Variants in UMPS observed in about 807,000 individuals in gnomAD.
UMPS encodes the protein uridine 5'-monophosphate synthase.
UMPS carries 21 observed loss-of-function variants against 38.9 expected under a neutral mutation model. The observed-to-expected ratio is 0.54, with a 90% confidence interval of 0.38 to 0.78. UMPS has a LOEUF of 0.78. Ranked by LOEUF, UMPS falls within the 30% of genes least tolerant of loss-of-function variation. UMPS has a pLI of 0.00. For synonymous variants in UMPS, 208 were observed against 219.3 expected, an observed-to-expected ratio of 0.95 and a Z score of 0.45; for missense variants, 533 against 591.6, an observed-to-expected ratio of 0.90 and a Z score of 1.03.
Position 124,732,316 on chromosome 3 carries a change from A to T in UMPS, c.156+1689A>T, listed in dbSNP as rs79966114. On this transcript the variant is annotated intron_variant, in intron 1 of 5. Transcript: ENST00000232607. Reference sequence around the variant, plus strand: ...TTGCACTGTGCGGCCAGAAGCAATAATTAAGACTAGAAGGTGGACATATTG... The same window carrying T: ...TTGCACTGTGCGGCCAGAAGCAATATTTAAGACTAGAAGGTGGACATATTG... 5.0e-3 allele frequency: 770 copies of T among 153,942 alleles called. 36 individuals carry two copies. The East Asian group carries it at 0.11, about 23-fold the overall frequency. 9.5% of individuals were successfully genotyped at this position (153,942 alleles called of 1,614,324 possible).
At position 124,740,208 on chromosome 3, in the gene UMPS, TG is replaced by T. The variant is rs1196683308; in HGVS notation, c.1158+15del. On this transcript the variant is annotated intron_variant, in intron 4 of 5. Transcript: ENST00000232607. ...ACTACACTAGAGCAGCGGTAAGTGGTGGGGGGACTGGGTGAGAGGGGGCAGG... is the reference window on the plus strand; with the variant it reads ...ACTACACTAGAGCAGCGGTAAGTGGTGGGGGACTGGGTGAGAGGGGGCAGG... 1 of 1,601,834 alleles carries T rather than the reference TG, an allele frequency of 6.2e-7. No homozygotes were observed. The highest frequency in any genetic ancestry group is 2.2e-5 in the East Asian group (1 of 44,618).
intron 1 of UMPS, among the ~76,000 whole-genome samples, chr3:124,733,181 A>G (rs959576245): frequency 6.6e-6 from 1 of 152,214 alleles, no homozygotes; most frequent in African/African-American, 2.4e-5. Flanking sequence ...ATAGTACTAT[A>G]TACACATTAG....
intron 3 of UMPS, 89 bp downstream of exon 3, chr3:124,738,328 A>G: frequency 3.5e-6 from 5 of 1,415,398 alleles, no homozygotes; most frequent in Non-Finnish European, 3.9e-6. Context: ...TTGAAAGTCC[A>G]TTCATAGAGC....
chr3:124,742,318 G>A lies in UMPS; in HGVS notation c.1273+52G>A, dbSNP rs141436502. The A allele has an allele frequency of 2.6e-4, 351 of 1,349,902 alleles. No homozygotes were observed. In the African/African-American group the frequency reaches 4.4e-3, roughly 17 times the overall value. 83.6% of individuals were successfully genotyped at this position (1,349,902 alleles called of 1,614,324 possible). On this transcript the variant is annotated intron_variant, in intron 5 of 5. Coordinates refer to ENST00000232607, the MANE Select transcript of UMPS (RefSeq NM_000373.4). ...TTCCAAAAATGCTTCTTTACCCATG[G>A]CAGGCAAAATAAAACTTTGCATATT...
At chr3:124,731,055 C>T (rs1375265315) in intron 1 of UMPS, among the ~76,000 whole-genome samples, 1 of 152,098 alleles carries the variant, frequency 6.6e-6, no homozygotes, top group African/African-American at 2.4e-5. Context: ...CATGACGAGA[C>T]CCCGTCTCTA....
At chr3:124,738,263 G>T (rs761469697) in intron 3 of UMPS, 24 bp downstream of exon 3, 1 of 1,609,952 alleles carries the variant, frequency 6.2e-7, no homozygotes, top group South Asian at 1.1e-5. Flanking sequence ...TCAGGAATCT[G>T]CAAGAATCAG....
At chr3:124,732,231 C>T (rs2063484682) in intron 1 of UMPS, among the ~76,000 whole-genome samples, 1 of 152,182 alleles carries the variant, frequency 6.6e-6, no homozygotes. Flanking sequence ...TTAATTTTGC[C>T]TCAGCCTCTT....
rs1216614255 is a variant in UMPS at position 124,737,639 on chromosome 3, A to C, written c.382A>C (p.Ser128Arg). Residue 128 changes from serine (S) to arginine (R), a missense_variant, in exon 3 of 6, where the codon AGT (serine) becomes CGT (arginine). By Grantham distance (110) the Ser-to-Arg change is moderately radical. Transcript: ENST00000232607. Reference protein sequence around the residue: ...TCLIIEDVVTSGSSVLETVEV... With the variant: ...TCLIIEDVVTRGSSVLETVEV... ...TTTAATCATTGAAGATGTTGTCACC[A>C]GTGGATCTAGTGTTTTGGAAACTGT... The C allele has an allele frequency of 6.2e-7, 1 of 1,614,120 alleles. No homozygotes were observed. The highest frequency in any genetic ancestry group is 8.5e-7 in the Non-Finnish European group (1 of 1,180,048).
chr3:124,731,781 C>G (rs1326506527), intron 1 of UMPS, among the ~76,000 whole-genome samples: 1 of 151,576 alleles, frequency 6.6e-6, no homozygotes, highest in Non-Finnish European at 1.5e-5. Flanking sequence ...CCTGTAATCC[C>G]AGCTACTCAG....
At chr3:124,742,087 AT>A in intron 4 of UMPS, 64 bp from the exon 5 acceptor site, 1 of 1,180,828 alleles carries the variant, frequency 8.5e-7, no homozygotes, top group Non-Finnish European at 1.2e-6. Flanking sequence ...AATAGAGCAT[AT>A]TTTTACTTTT....
At position 124,737,790 on chromosome 3, in the gene UMPS, A is replaced by G. The variant is rs775368706; in HGVS notation, c.533A>G (p.Lys178Arg). ...CTCCACTCAGTGTGTACATTGTCCA[A>G]AATGCTGGAGATTCTCGAGCAGCAG... Reference protein sequence around the residue: ...IRLHSVCTLSKMLEILEQQKK... With the variant: ...IRLHSVCTLSRMLEILEQQKK... Residue 178 changes from lysine to arginine, a missense_variant, in exon 3 of 6, where the codon AAA (lysine) becomes AGA (arginine). Transcript: ENST00000232607. The G allele has an allele frequency of 1.2e-6, 2 of 1,614,116 alleles. No individual in the cohort carries two copies. The highest frequency in any genetic ancestry group is 2.7e-5 in the African/African-American group (2 of 74,952).
At position 124,748,699 on chromosome 3, in the gene UMPS, T is replaced by C; in HGVS notation, c.*4615T>C. ...GTCAGCAGAGGAGGTCTGTGTCATG[T>C]TTTTCAGCGCTGGGGTTGGGGGGAG... On this transcript the variant is annotated 3_prime_UTR_variant, in exon 6 of 6. Transcript: ENST00000232607. 2.2e-6 allele frequency: 1 copy of C among 452,232 alleles called. No individual in the cohort carries two copies. The highest frequency in any genetic ancestry group is 4.4e-6 in the Non-Finnish European group (1 of 225,926). 28.0% of individuals were successfully genotyped at this position (452,232 alleles called of 1,614,324 possible).
In UMPS at chr3:124,740,071, G is replaced by C. The variant is rs374066947; in HGVS notation, c.1030G>C (p.Val344Leu). 1.2e-5 allele frequency: 19 copies of C among 1,613,972 alleles called. No homozygotes were observed. The highest frequency in any genetic ancestry group is 1.5e-5 in the Non-Finnish European group (18 of 1,180,046). ...CTGGGCAGATCTAGTAAATGCTCACGTGGTGCCAGGCTCAGGAGTTGTGAA... is the reference window on the plus strand; with the variant it reads ...CTGGGCAGATCTAGTAAATGCTCACCTGGTGCCAGGCTCAGGAGTTGTGAA... ...ASWADLVNAH[V>L]VPGSGVVKGL... The change falls in exon 4 of 6, where the codon GTG becomes CTG. Residue 344 changes from valine (V) to leucine (L), a missense_variant. By Grantham distance (32) the Val-to-Leu change is conservative (BLOSUM62 1). Transcript: ENST00000232607.
In UMPS at chr3:124,730,579, C is replaced by A; in HGVS notation, c.108C>A (p.Ile36=). 6.2e-7 allele frequency: 1 copy of A among 1,613,228 alleles called. No individual in the cohort carries two copies. Among genetic ancestry groups the A allele is most frequent in the Non-Finnish European group, 8.5e-7 (1 of 1,179,230 alleles). Residue 36 remains isoleucine (I), a synonymous_variant, in exon 1 of 6, where the codon ATC becomes ATA. Coordinates refer to ENST00000232607, the MANE Select transcript of UMPS (RefSeq NM_000373.4). ...TGAAGAGCGGGCTTTCCTCCCCCAT[C>A]TACATCGATCTGCGGGGCATCGTGT... ...FVLKSGLSSP[I]YIDLRGIVSR...
At position 124,745,757 on chromosome 3, in the gene UMPS, G is replaced by C. The variant is rs1376495544; in HGVS notation, c.*1673G>C. 1 of 454,070 alleles carries C rather than the reference G, an allele frequency of 2.2e-6. No individual in the cohort carries two copies. Among genetic ancestry groups the C allele is most frequent in the East Asian group, 7.0e-5 (1 of 14,380 alleles). The allele number at this position is 454,070 out of a possible 1,614,324, so 28.1% of individuals were successfully genotyped here. A position where few individuals can be genotyped will look rare whatever the true frequency, so the allele number is the denominator to read the frequency against. On this transcript the variant is annotated 3_prime_UTR_variant, in exon 6 of 6. Transcript: ENST00000232607. ...GAGAAGAATTTTCTGACAAAAACTTGCAGGAATCTCTTAGGTGTCTTCAGT... is the reference window on the plus strand; with the variant it reads ...GAGAAGAATTTTCTGACAAAAACTTCCAGGAATCTCTTAGGTGTCTTCAGT...
At chr3:124,743,836 A>G in intron 5 of UMPS, 79 bp from the exon 6 acceptor site, 1 of 1,571,498 alleles carries the variant, frequency 6.4e-7, no homozygotes, top group Non-Finnish European at 8.7e-7. Context: ...AGCTGGTTAG[A>G]TACTTTTTCA....
At chr3:124,739,674 T>C (rs1006374446) in intron 3 of UMPS, among the ~76,000 whole-genome samples, 3 of 152,204 alleles carry the variant, frequency 2.0e-5, no homozygotes, top group Non-Finnish European at 4.4e-5. Context: ...CATCAATAAA[T>C]GTTTATCTTC....
In UMPS at chr3:124,744,684, C is replaced by T. The variant is rs1174751590; in HGVS notation, c.*600C>T. ...TCAGTCTCTCAAAGTGCTGGGATTACAGGTGTGAGCCACTGTGCCCAGCCT... is the reference window on the plus strand; with the variant it reads ...TCAGTCTCTCAAAGTGCTGGGATTATAGGTGTGAGCCACTGTGCCCAGCCT... On this transcript the variant is annotated 3_prime_UTR_variant, in exon 6 of 6. Coordinates refer to ENST00000232607, the MANE Select transcript of UMPS (RefSeq NM_000373.4). The T allele has an allele frequency of 4.4e-6, 2 of 454,024 alleles. No individual in the cohort carries two copies. Among genetic ancestry groups the T allele is most frequent in the South Asian group, 1.6e-5 (1 of 64,476 alleles). The allele number at this position is 454,024 out of a possible 1,614,324, so 28.1% of individuals were successfully genotyped here.
chr3:124,732,574 T>G (rs1468533795), intron 1 of UMPS: 1 of 154,778 alleles, frequency 6.5e-6, no homozygotes, highest in Admixed American at 6.5e-5. Flanking sequence ...CCAATACAGT[T>G]TGCTACTAGC....
Sources: allele counts gnomAD v4.1 joint callset (sites outside exome capture counted in the v4.1 genomes callset), GRCh38; gene constraint gnomAD v4.1.1; transcripts MANE v1.5; gene names NCBI Gene and HGNC (gene_info 2026-07-23, HGNC 2026-07-21).